Variants in KCNH5 observed in about 807,000 individuals in gnomAD.
The protein encoded by KCNH5 is voltage-gated delayed rectifier potassium channel KCNH5.
A neutral mutation model predicts 96.1 loss-of-function variants in KCNH5; 46 were observed. The ratio of observed to expected loss-of-function variants is 0.48; its 90% CI spans 0.38 to 0.61. KCNH5 has a LOEUF of 0.61. Among genes scored for constraint, KCNH5 ranks in the 20% least tolerant of loss-of-function variants. The probability of loss-of-function intolerance (pLI) is 0.00; values close to 1 mark genes in which losing one functional copy is unlikely to be tolerated. For missense variants in KCNH5, 907 were observed against 1,225.8 expected (o/e 0.74, Z 3.88); for synonymous variants, 439 against 449.8 (o/e 0.98, Z 0.30).
chr14:62,963,650 T>C (rs1202399389), intron 6 of KCNH5, among the ~76,000 whole-genome samples: 1 of 152,230 alleles, frequency 6.6e-6, no homozygotes, highest in East Asian at 1.9e-4. Context: ...CCTCAACAGA[T>C]TGGATAATGC....
In KCNH5 at chr14:62,704,967, A is replaced by C. The variant is rs1884402964; in HGVS notation, c.*2541T>G. The C allele has an allele frequency of 6.6e-6, 1 of 151,982 alleles. No individual in the cohort carries two copies. The highest frequency in any genetic ancestry group is 2.1e-4 in the South Asian group (1 of 4,834). The allele number at this position is 151,982 out of a possible 1,614,324, so 9.4% of individuals were successfully genotyped here. A position where few individuals can be genotyped will look rare whatever the true frequency, so the allele number is the denominator to read the frequency against. ...TTGCTGAAAACATGCATTCCTGCTGAAAACAGCAGGGTGCATTCAGCACCT... is the reference window on the plus strand; with the variant it reads ...TTGCTGAAAACATGCATTCCTGCTGCAAACAGCAGGGTGCATTCAGCACCT... On this transcript the variant is annotated 3_prime_UTR_variant, in exon 11 of 11. Transcript: ENST00000322893.
intron 7 of KCNH5, among the ~76,000 whole-genome samples, chr14:62,870,118 A>T (rs2140065348): frequency 6.6e-6 from 1 of 152,316 alleles, no homozygotes; most frequent in African/African-American, 2.4e-5. Flanking sequence ...TCTTTTCTTT[A>T]TAAGTCTCCC....
intron 7 of KCNH5, among the ~76,000 whole-genome samples, chr14:62,922,729 GA>G (rs1448062303): frequency 6.6e-6 from 1 of 151,888 alleles, no homozygotes; most frequent in African/African-American, 2.4e-5. Flanking sequence ...AGTAGATGCA[GA>G]AAAAACATTT....
intron 6 of KCNH5, among the ~76,000 whole-genome samples, chr14:62,963,400 GATGT>G (rs1890249024): frequency 6.6e-6 from 1 of 152,044 alleles, no homozygotes; most frequent in Admixed American, 6.6e-5. Flanking sequence ...AAGAGAGAGA[GATGT>G]ATTGTGAGGA....
intron 8 of KCNH5, among the ~76,000 whole-genome samples, chr14:62,847,761 C>T (rs928750274): frequency 6.6e-6 from 1 of 152,174 alleles, no homozygotes; most frequent in Non-Finnish European, 1.5e-5. Context: ...TCCTTGGCTA[C>T]TTTGCTAATC....
intron 9 of KCNH5, among the ~76,000 whole-genome samples, chr14:62,797,732 T>G (rs1269851003): frequency 6.6e-6 from 1 of 152,094 alleles, no homozygotes; most frequent in Non-Finnish European, 1.5e-5. Context: ...TTTTTTTTTT[T>G]TGAGACAAAG....
intron 10 of KCNH5, among the ~76,000 whole-genome samples, chr14:62,735,483 T>G (rs1179842523): frequency 6.6e-6 from 1 of 152,200 alleles, no homozygotes; most frequent in African/African-American, 2.4e-5. Flanking sequence ...TAAGCAAACA[T>G]GGGCTTGTTA....
intron 7 of KCNH5, among the ~76,000 whole-genome samples, chr14:62,862,502 G>A (rs918080640): frequency 2.0e-5 from 3 of 152,068 alleles, no homozygotes; most frequent in South Asian, 2.1e-4. Flanking sequence ...AAATCCCTTC[G>A]TGGTAAGACT....
At chr14:62,847,073 T>A (rs1215850656) in intron 8 of KCNH5, among the ~76,000 whole-genome samples, 1 of 149,026 alleles carries the variant, frequency 6.7e-6, no homozygotes, top group Non-Finnish European at 1.5e-5. Context: ...GTGCTGGGAT[T>A]ACAGGCGTGA....
chr14:62,847,701 T>C (rs995810555), intron 8 of KCNH5, among the ~76,000 whole-genome samples: 1 of 152,232 alleles, frequency 6.6e-6, no homozygotes, highest in Admixed American at 6.5e-5. Flanking sequence ...ATTAAATTTT[T>C]ATTTCACTTT....
intron 6 of KCNH5, among the ~76,000 whole-genome samples, chr14:62,971,472 C>T (rs1258384781): frequency 6.6e-6 from 1 of 151,964 alleles, no homozygotes; most frequent in Non-Finnish European, 1.5e-5. Flanking sequence ...AATTAAGAAC[C>T]TAGCAGGTTA....
chr14:62,816,047 A>ACACATTCT (rs1384256301), intron 8 of KCNH5, among the ~76,000 whole-genome samples: 3 of 151,928 alleles, frequency 2.0e-5, no homozygotes, highest in Non-Finnish European at 4.4e-5. Context: ...ATACATACAT[A>ACACATTCT]CATATTCTCA....
chr14:62,856,655 A>C (rs998528441), intron 7 of KCNH5, among the ~76,000 whole-genome samples: 3 of 152,134 alleles, frequency 2.0e-5, no homozygotes, highest in Non-Finnish European at 4.4e-5. Flanking sequence ...AGAAACTTCC[A>C]GTTTCCAAGT....
At chr14:62,979,086 C>G (rs1378090136) in intron 6 of KCNH5, among the ~76,000 whole-genome samples, 1 of 152,182 alleles carries the variant, frequency 6.6e-6, no homozygotes, top group Non-Finnish European at 1.5e-5. Context: ...TTATTCTACT[C>G]TATATGAGAT....
intron 7 of KCNH5, among the ~76,000 whole-genome samples, chr14:62,910,880 G>T (rs1889135735): frequency 6.9e-6 from 1 of 145,924 alleles, no homozygotes; most frequent in African/African-American, 2.6e-5. Context: ...TAATCAAACA[G>T]GGTATGTGTG....
chr14:62,828,579 A>G (rs529136076), intron 8 of KCNH5, among the ~76,000 whole-genome samples: 5 of 152,304 alleles, frequency 3.3e-5, no homozygotes, highest in Admixed American at 1.3e-4. Flanking sequence ...AAACACTTTT[A>G]AACCATCAGA....
chr14:62,953,422 T>TCC (rs1890043741), intron 6 of KCNH5, among the ~76,000 whole-genome samples: 1 of 152,138 alleles, frequency 6.6e-6, no homozygotes, highest in Non-Finnish European at 1.5e-5. Flanking sequence ...CATTCTCAGG[T>TCC]CCACTTAGCA....
intron 10 of KCNH5, among the ~76,000 whole-genome samples, chr14:62,726,514 A>G (rs773687367): frequency 6.6e-6 from 1 of 152,180 alleles, no homozygotes; most frequent in Non-Finnish European, 1.5e-5. Flanking sequence ...ATAGCCATTA[A>G]ATATATGGGA....
At chr14:62,925,277 A>G (rs574656511) in intron 7 of KCNH5, among the ~76,000 whole-genome samples, 78 of 152,152 alleles carry the variant, frequency 5.1e-4, no homozygotes, top group Middle Eastern at 3.4e-3. Context: ...CTTCAACACT[A>G]ATTAAAGCAC....
Sources: allele counts gnomAD v4.1 joint callset (sites outside exome capture counted in the v4.1 genomes callset), GRCh38; gene constraint gnomAD v4.1.1; transcripts MANE v1.5; gene names NCBI Gene and HGNC (gene_info 2026-07-23, HGNC 2026-07-21).